The following CFAP299 variants were observed in gnomAD, a reference collection of about 807,000 sequenced individuals.
CFAP299 encodes the protein cilia and flagella associated protein 299.
In CFAP299, 21 loss-of-function variants were observed where a neutral mutation model predicts 27.0. The ratio of observed to expected loss-of-function variants is 0.78; its 90% CI spans 0.55 to 1.12. CFAP299 has a LOEUF of 1.12. Among genes scored for constraint, CFAP299 ranks in the 50% most tolerant of loss-of-function variants. The pLI is 0.00. For missense variants in CFAP299, 310 were observed against 276.6 expected, an observed-to-expected ratio of 1.12 and a Z score of -0.86; for synonymous variants, 104 against 98.1, an observed-to-expected ratio of 1.06 and a Z score of -0.36.
At chr4:80,922,202 T>C (rs1736079723) in intron 4 of CFAP299, among the ~76,000 whole-genome samples, 1 of 152,074 alleles carries the variant, frequency 6.6e-6, no homozygotes, top group South Asian at 2.1e-4. Flanking sequence ...AGCCTTAATA[T>C]ATTGTTCTTT....
At chr4:80,494,070 T>C (rs6832233) in intron 2 of CFAP299, among the ~76,000 whole-genome samples, 58,365 of 152,020 alleles carry the variant, frequency 0.38, 14,567 homozygotes, top group African/African-American at 0.71. Context: ...CCACCGCGCC[T>C]GGCCTCTATC....
At chr4:80,836,536 T>C (rs1406484499) in intron 3 of CFAP299, among the ~76,000 whole-genome samples, 1 of 152,204 alleles carries the variant, frequency 6.6e-6, no homozygotes, top group Non-Finnish European at 1.5e-5. Context: ...CCTGACCTTC[T>C]TCAGTAATCA....
At chr4:80,942,405 A>C (rs1737244858) in intron 4 of CFAP299, among the ~76,000 whole-genome samples, 1 of 152,150 alleles carries the variant, frequency 6.6e-6, no homozygotes, top group East Asian at 1.9e-4. Flanking sequence ...GGATTTGGTG[A>C]TAAGATTAAG....
At chr4:80,424,723 G>A (rs757566952) in intron 2 of CFAP299, among the ~76,000 whole-genome samples, 5 of 152,190 alleles carry the variant, frequency 3.3e-5, no homozygotes, top group Non-Finnish European at 7.4e-5. Flanking sequence ...CTGAGGAAGA[G>A]ATGATCATTA....
At chr4:80,813,288 A>G (rs1305574437) in intron 3 of CFAP299, among the ~76,000 whole-genome samples, 1 of 152,032 alleles carries the variant, frequency 6.6e-6, no homozygotes, top group Non-Finnish European at 1.5e-5. Flanking sequence ...AGCCTTTGGC[A>G]CAGTAAATTT....
intron 3 of CFAP299, among the ~76,000 whole-genome samples, chr4:80,746,713 A>G (rs1382819747): frequency 1.3e-5 from 2 of 152,066 alleles, no homozygotes; most frequent in Admixed American, 1.3e-4. Context: ...TCTATAGTGA[A>G]AATACTCTCA....
chr4:80,591,104 AAT>A lies in CFAP299; in HGVS notation c.333+7922_333+7923del, dbSNP rs1491201004. On this transcript the variant is annotated intron_variant, in intron 3 of 5. Coordinates refer to ENST00000358105, the MANE Select transcript of CFAP299 (RefSeq NM_152770.3). ...AGAAACAGATTATAATACTTTAGGA[AAT>A]TTTTTTTTTTTTTTTTTTTTTTTTT... is the stretch of plus-strand genomic sequence containing the variant. Among the ~76,000 whole-genome samples, 12 of 116,532 alleles carry A rather than the reference AAT, an allele frequency of 1.0e-4. 1 individual carries two copies. The South Asian group carries it at 1.3e-3, about 12-fold the overall frequency. 76.4% of individuals were successfully genotyped at this position (116,532 alleles called of 152,430 possible).
chr4:80,345,682 C>G (rs555479826), intron 1 of CFAP299, among the ~76,000 whole-genome samples: 1 of 152,102 alleles, frequency 6.6e-6, no homozygotes, highest in Non-Finnish European at 1.5e-5. Flanking sequence ...CACTGATGGA[C>G]ATTTATGTTG....
chr4:80,522,493 G>A (rs1032307285), intron 2 of CFAP299, among the ~76,000 whole-genome samples: 5 of 152,070 alleles, frequency 3.3e-5, no homozygotes, highest in African/African-American at 9.7e-5. Context: ...CTGCACAGAA[G>A]TTTTTTAATT....
intron 3 of CFAP299, among the ~76,000 whole-genome samples, chr4:80,683,932 G>T (rs980207807): frequency 6.6e-6 from 1 of 152,128 alleles, no homozygotes; most frequent in South Asian, 2.1e-4. Flanking sequence ...GAGTTTGAGT[G>T]TACATTTCTT....
Position 80,400,097 on chromosome 4 carries a change from G to T in CFAP299, c.242+37213G>T, listed in dbSNP as rs138005687. ...GTGTGCTTTACTTACTTTATATATTGTCTGTCTCTTTATGTCTGTATGTTG... is the reference window on the plus strand; with the variant it reads ...GTGTGCTTTACTTACTTTATATATTTTCTGTCTCTTTATGTCTGTATGTTG... On this transcript the variant is annotated intron_variant, in intron 2 of 5. Coordinates refer to ENST00000358105, the MANE Select transcript of CFAP299 (RefSeq NM_152770.3). Among the ~76,000 whole-genome samples, 360 of 152,072 alleles carry T rather than the reference G, an allele frequency of 2.4e-3. 2 individuals are homozygous for T. The highest frequency in any genetic ancestry group is 7.9e-3 in the African/African-American group (328 of 41,486).
chr4:80,466,248 T>A (rs938064900), intron 2 of CFAP299, among the ~76,000 whole-genome samples: 10 of 152,208 alleles, frequency 6.6e-5, no homozygotes, highest in Non-Finnish European at 1.3e-4. Context: ...AAGTACAAGT[T>A]AAATGCCCTT....
chr4:80,482,537 G>A (rs566305982), intron 2 of CFAP299, among the ~76,000 whole-genome samples: 45 of 152,214 alleles, frequency 3.0e-4, no homozygotes, highest in Non-Finnish European at 5.0e-4. Context: ...AAACAAAGCA[G>A]TAGAGAATAG....
At chr4:80,651,367 C>CTTTTTTTTTTT (rs11365987) in intron 3 of CFAP299, among the ~76,000 whole-genome samples, 1 of 133,778 alleles carries the variant, frequency 7.5e-6, no homozygotes, top group African/African-American at 2.8e-5. Flanking sequence ...TCTTCTTCTT[C>CTTTTTTTTTTT]TTTTTTTTTT....
intron 4 of CFAP299, among the ~76,000 whole-genome samples, chr4:80,898,569 T>C (rs2110192916): frequency 6.6e-6 from 1 of 152,086 alleles, no homozygotes; most frequent in African/African-American, 2.4e-5. Flanking sequence ...ATATCAGGCT[T>C]TTCGGCTTGA....
At chr4:80,693,858 G>A (rs1280024005) in intron 3 of CFAP299, among the ~76,000 whole-genome samples, 1 of 151,270 alleles carries the variant, frequency 6.6e-6, no homozygotes. Context: ...AAAAAACACA[G>A]AGCATTAGCT....
At chr4:80,899,079 G>C (rs942647200) in intron 4 of CFAP299, among the ~76,000 whole-genome samples, 1 of 152,096 alleles carries the variant, frequency 6.6e-6, no homozygotes, top group Non-Finnish European at 1.5e-5. Flanking sequence ...GATGATCTTG[G>C]GCAAGTTACT....
intron 1 of CFAP299, among the ~76,000 whole-genome samples, chr4:80,359,234 C>G (rs1376508927): frequency 6.6e-6 from 1 of 152,168 alleles, no homozygotes; most frequent in African/African-American, 2.4e-5. Context: ...TGACGCTTCT[C>G]TCTAGCTGCC....
At chr4:80,860,939 A>G (rs1026170429) in intron 3 of CFAP299, among the ~76,000 whole-genome samples, 1 of 152,132 alleles carries the variant, frequency 6.6e-6, no homozygotes, top group Admixed American at 6.5e-5. Context: ...CTCTCTTCAA[A>G]TCTGTCAGAC....
Sources: gnomAD v4.1 joint callset for allele counts (sites outside exome capture counted in the v4.1 genomes callset) on GRCh38, gnomAD v4.1.1 for gene constraint, MANE v1.5 for transcripts, NCBI Gene and HGNC (gene_info 2026-07-23, HGNC 2026-07-21) for gene names.